The following SDC2 variants were observed in gnomAD, a reference collection of about 807,000 sequenced individuals.
SDC2 encodes the protein syndecan 2.
In SDC2, 13 loss-of-function variants were observed where a neutral mutation model predicts 22.2. The ratio of observed to expected loss-of-function variants is 0.59; its 90% CI spans 0.38 to 0.93. The LOEUF is 0.93. Among genes scored for constraint, SDC2 ranks in the 40% least tolerant of loss-of-function variants. The probability of loss-of-function intolerance (pLI) is 0.00; values close to 1 mark genes in which losing one functional copy is unlikely to be tolerated. For synonymous variants in SDC2, 94 were observed against 92.8 expected (o/e 1.01, Z -0.07); for missense variants, 235 against 246.8 (o/e 0.95, Z 0.32).
intron 1 of SDC2, among the ~76,000 whole-genome samples, chr8:96,503,212 A>G (rs1335015133): frequency 6.6e-6 from 1 of 152,224 alleles, no homozygotes; most frequent in Non-Finnish European, 1.5e-5. Flanking sequence ...AATCTGTCCA[A>G]AGGAAATCAT....
At position 96,494,174 on chromosome 8, in the gene SDC2, C is replaced by T. The variant is rs533360399; in HGVS notation, c.-98C>T. 23 of 1,305,164 alleles carry T rather than the reference C, an allele frequency of 1.8e-5. No individual in the cohort carries two copies. Among genetic ancestry groups the T allele is most frequent in the Non-Finnish European group, 2.2e-5 (21 of 946,128 alleles). 80.8% of individuals were successfully genotyped at this position (1,305,164 alleles called of 1,614,324 possible). ...GCCGCAATCGCTGCGGTACTCTGCT[C>T]CGGATTCGTGTGCGCGGGCTGCGCC... On this transcript the variant is annotated 5_prime_UTR_variant, in exon 1 of 5. Transcript: ENST00000302190.
chr8:96,495,670 C>T (rs1034772509), intron 1 of SDC2, among the ~76,000 whole-genome samples: 2 of 152,072 alleles, frequency 1.3e-5, no homozygotes, highest in Non-Finnish European at 2.9e-5. Flanking sequence ...TTTGAGTCTC[C>T]CTCCCCCCCT....
chr8:96,602,377 C>T lies in SDC2; in HGVS notation c.173-18C>T. On this transcript the variant is annotated intron_variant, in intron 2 of 4. Coordinates refer to ENST00000302190, the MANE Select transcript of SDC2 (RefSeq NM_002998.4). ...GTCATGATTGCCATGCTCAGTTCAT[C>T]TTCACTTACTTTTCCAGGAGCTGAT... The T allele has an allele frequency of 6.2e-7, 1 of 1,612,890 alleles. No homozygotes were observed. Among genetic ancestry groups the T allele is most frequent in the Admixed American group, 1.7e-5 (1 of 59,862 alleles).
intron 1 of SDC2, among the ~76,000 whole-genome samples, chr8:96,501,451 A>G (rs1813164320): frequency 6.6e-6 from 1 of 151,254 alleles, no homozygotes; most frequent in Non-Finnish European, 1.5e-5. Context: ...ATTACAGTGC[A>G]CACCACCACG....
At chr8:96,520,803 C>G (rs1813484820) in intron 1 of SDC2, among the ~76,000 whole-genome samples, 2 of 152,174 alleles carry the variant, frequency 1.3e-5, no homozygotes, top group African/African-American at 4.8e-5. Context: ...TATGCACATC[C>G]TGAGACCTGC....
At chr8:96,525,358 C>T (rs979452854) in intron 1 of SDC2, among the ~76,000 whole-genome samples, 10 of 152,310 alleles carry the variant, frequency 6.6e-5, no homozygotes, top group Admixed American at 2.6e-4. Context: ...CACCTGTGCT[C>T]ACTTCCACCT....
At chr8:96,522,147 G>A (rs1436810205) in intron 1 of SDC2, among the ~76,000 whole-genome samples, 2 of 152,114 alleles carry the variant, frequency 1.3e-5, no homozygotes, top group Non-Finnish European at 2.9e-5. Flanking sequence ...CTTTTTCTGG[G>A]ATTTTGGTTA....
intron 1 of SDC2, among the ~76,000 whole-genome samples, chr8:96,545,497 G>A (rs1813916708): frequency 6.6e-6 from 1 of 152,208 alleles, no homozygotes; most frequent in South Asian, 2.1e-4. Context: ...TAAGGTTTAA[G>A]TGGATGGAGA....
At chr8:96,543,995 A>G (rs1482411179) in intron 1 of SDC2, among the ~76,000 whole-genome samples, 1 of 152,184 alleles carries the variant, frequency 6.6e-6, no homozygotes, top group Non-Finnish European at 1.5e-5. Flanking sequence ...CTTACTCGAG[A>G]TGCTAGAGCT....
chr8:96,554,731 G>A (rs1383658542), intron 1 of SDC2, among the ~76,000 whole-genome samples: 1 of 152,174 alleles, frequency 6.6e-6, no homozygotes, highest in Non-Finnish European at 1.5e-5. Flanking sequence ...TTTCTCCTAG[G>A]TCACAGAAGC....
intron 1 of SDC2, among the ~76,000 whole-genome samples, chr8:96,531,301 C>T (rs568693527): frequency 9.9e-5 from 15 of 152,280 alleles, no homozygotes; most frequent in African/African-American, 2.6e-4. Context: ...TTATGTTGTT[C>T]TTACAGTACA....
chr8:96,525,545 A>G (rs1428717224), intron 1 of SDC2, among the ~76,000 whole-genome samples: 6 of 152,046 alleles, frequency 3.9e-5, no homozygotes, highest in Non-Finnish European at 8.8e-5. Flanking sequence ...ATGAGGTCCA[A>G]TTCCTCCAGT....
At chr8:96,500,706 C>CT (rs1467130079) in intron 1 of SDC2, among the ~76,000 whole-genome samples, 2 of 147,746 alleles carry the variant, frequency 1.4e-5, no homozygotes, top group African/African-American at 5.0e-5. Context: ...TAAATTTCTT[C>CT]TTTTAGCCAT....
chr8:96,536,600 G>T (rs1813759410), intron 1 of SDC2, among the ~76,000 whole-genome samples: 1 of 152,204 alleles, frequency 6.6e-6, no homozygotes, highest in Non-Finnish European at 1.5e-5. Flanking sequence ...GGGATTACAG[G>T]CATGAGCCAC....
chr8:96,597,216 T>G (rs939588219), intron 2 of SDC2, among the ~76,000 whole-genome samples: 1 of 152,218 alleles, frequency 6.6e-6, no homozygotes, highest in Non-Finnish European at 1.5e-5. Flanking sequence ...CCAAGTTGTC[T>G]TGTCTTCTCC....
intron 1 of SDC2, among the ~76,000 whole-genome samples, chr8:96,583,603 ACC>A (rs1814630348): frequency 6.6e-6 from 1 of 150,696 alleles, no homozygotes; most frequent in African/African-American, 2.4e-5. Context: ...ACATAAATCC[ACC>A]ACCCTAACCA....
chr8:96,564,519 G>A (rs1156903593), intron 1 of SDC2, among the ~76,000 whole-genome samples: 1 of 152,078 alleles, frequency 6.6e-6, no homozygotes, highest in East Asian at 1.9e-4. Flanking sequence ...AGAGTTGTGT[G>A]GGTTGCACGT....
chr8:96,556,977 C>T (rs1165256790), intron 1 of SDC2, among the ~76,000 whole-genome samples: 14 of 151,332 alleles, frequency 9.3e-5, no homozygotes, highest in African/African-American at 3.1e-4. Flanking sequence ...CATGAACAGA[C>T]ACTTCTCAAA....
chr8:96,602,562 G>T, intron 3 of SDC2, 34 bp downstream of exon 3: 1 of 1,610,356 alleles, frequency 6.2e-7, no homozygotes, highest in Non-Finnish European at 8.5e-7. Context: ...TGCATTATCA[G>T]GTTATTACAA....
Sources: allele counts gnomAD v4.1 joint callset (sites outside exome capture counted in the v4.1 genomes callset), GRCh38; gene constraint gnomAD v4.1.1; transcripts MANE v1.5; gene names NCBI Gene and HGNC (gene_info 2026-07-23, HGNC 2026-07-21).